USP34: variants seen among roughly 807,000 people sequenced by gnomAD.
USP34 encodes ubiquitin carboxyl-terminal hydrolase 34.
A neutral mutation model predicts 460.3 loss-of-function variants in USP34; 70 were observed. The ratio of observed to expected loss-of-function variants is 0.15; its 90% CI spans 0.13 to 0.19. The LOEUF (loss-of-function observed/expected upper bound fraction) is 0.19. Among genes scored for constraint, USP34 ranks in the 10% least tolerant of loss-of-function variants. USP34 has a pLI of 1.00. For missense variants in USP34, 3,985 were observed against 4,236.2 expected (o/e 0.94, Z 1.65); for synonymous variants, 1,647 against 1,405.3 (o/e 1.17, Z -3.85).
chr2:61,426,279 C>T (rs1214231991), intron 1 of USP34, among the ~76,000 whole-genome samples: 1 of 152,096 alleles, frequency 6.6e-6, no homozygotes, highest in Non-Finnish European at 1.5e-5. Context: ...CAGGGTAGAG[C>T]ACCAGTTGAT....
Position 61,244,095 on chromosome 2 carries a change from C to A in USP34, c.6627+1115G>T, listed in dbSNP as rs72811471. ...ATGTGTATCATTTCTCAACTTTCGGCTAAGATCAACTATAAAATCCAGACT... is the reference window on the plus strand; with the variant it reads ...ATGTGTATCATTTCTCAACTTTCGGATAAGATCAACTATAAAATCCAGACT... On this transcript the variant is annotated intron_variant, in intron 51 of 79. Transcript: ENST00000398571. 5.9e-3 allele frequency among the ~76,000 whole-genome samples: 898 copies of A among 151,750 alleles called. 21 individuals are homozygous for A. The highest frequency in any genetic ancestry group is 4.5e-3 in the Non-Finnish European group (305 of 67,966).
At chr2:61,401,867 A>C (rs571162949) in intron 3 of USP34, among the ~76,000 whole-genome samples, 1 of 151,306 alleles carries the variant, frequency 6.6e-6, no homozygotes, top group African/African-American at 2.4e-5. Flanking sequence ...CCATTTTTAT[A>C]ATCTTTTTCC....
rs567877397 is a variant in USP34, at chr2:61,244,971, C to T, written c.6627+239G>A. Among the ~76,000 whole-genome samples, 8 of 152,108 alleles carry T rather than the reference C, an allele frequency of 5.3e-5. No homozygotes were observed. The South Asian group carries it at 1.7e-3, about 31-fold the overall frequency. The stretch of plus-strand genomic sequence containing the variant: ...TCTCATGGCACTGTAATTCAACTCC[C>T]ATACTACTAAGCTTTTTATTTCTCT... On this transcript the variant is annotated intron_variant, in intron 51 of 79. Coordinates refer to ENST00000398571, the MANE Select transcript of USP34 (RefSeq NM_014709.4).
At chr2:61,205,597 A>G (rs553591277) in intron 72 of USP34, among the ~76,000 whole-genome samples, 1 of 152,216 alleles carries the variant, frequency 6.6e-6, no homozygotes. Context: ...ATATGCAATC[A>G]ATAAAAAGAT....
intron 3 of USP34, 91 bp downstream of exon 3, chr2:61,405,617 C>G: frequency 1.7e-6 from 2 of 1,169,500 alleles, no homozygotes; most frequent in South Asian, 1.9e-5. Flanking sequence ...TTTCCGCCAG[C>G]AGAAAACTGT....
chr2:61,325,511 T>C lies in USP34; in HGVS notation c.2931-54A>G, dbSNP rs1359451840. On this transcript the variant is annotated intron_variant, in intron 20 of 79. Coordinates refer to ENST00000398571, the MANE Select transcript of USP34 (RefSeq NM_014709.4). ...AAATATCCTATTTCTTAATTACTTT[T>C]AAAAATTTAGTGGTCCTATGCATAA... is the stretch of plus-strand genomic sequence containing the variant. The C allele has an allele frequency of 4.0e-6, 5 of 1,247,448 alleles. No homozygotes were observed. In the African/African-American group the frequency reaches 6.4e-5, roughly 16 times the overall value. The allele number at this position is 1,247,448 out of a possible 1,614,324, so 77.3% of individuals were successfully genotyped here.
intron 1 of USP34, among the ~76,000 whole-genome samples, chr2:61,448,780 A>G (rs1455287349): frequency 6.6e-6 from 1 of 152,226 alleles, no homozygotes; most frequent in East Asian, 1.9e-4. Flanking sequence ...TCAGATGTAA[A>G]ATCTAGAAAA....
At chr2:61,268,202 G>A (rs974089535) in intron 41 of USP34, among the ~76,000 whole-genome samples, 2 of 151,962 alleles carry the variant, frequency 1.3e-5, no homozygotes, top group African/African-American at 4.8e-5. Flanking sequence ...TAAAAGAACT[G>A]TTGTCTTAGT....
chr2:61,305,195 G>A (rs1250123048), intron 27 of USP34, among the ~76,000 whole-genome samples: 1 of 151,968 alleles, frequency 6.6e-6, no homozygotes, highest in African/African-American at 2.4e-5. Flanking sequence ...GTGGTGGAGT[G>A]CGCCTGTAGT....
intron 23 of USP34, among the ~76,000 whole-genome samples, chr2:61,316,459 C>A (rs1233037625): frequency 6.6e-6 from 1 of 151,854 alleles, no homozygotes; most frequent in East Asian, 1.9e-4. Flanking sequence ...GTGGTGCATG[C>A]CTGTTGTCCC....
chr2:61,259,559 T>C (rs1349372339), intron 44 of USP34, 152 bp downstream of exon 44: 2 of 584,632 alleles, frequency 3.4e-6, no homozygotes, highest in Non-Finnish European at 5.9e-6. Context: ...GGCTTATTTT[T>C]TTTTTTAGTA....
intron 3 of USP34, among the ~76,000 whole-genome samples, chr2:61,401,065 C>T (rs1208173854): frequency 1.3e-5 from 2 of 149,132 alleles, no homozygotes; most frequent in Non-Finnish European, 3.0e-5. Flanking sequence ...GCAGGAGAAT[C>T]GCCTGAACCC....
At chr2:61,231,478 T>A (rs1385331155) in intron 58 of USP34, among the ~76,000 whole-genome samples, 2 of 152,146 alleles carry the variant, frequency 1.3e-5, no homozygotes, top group Non-Finnish European at 2.9e-5. Flanking sequence ...TCTGGGAGGC[T>A]AAGTTGGGAG....
In USP34 at chr2:61,339,391, T is replaced by G. The variant is rs764242802; in HGVS notation, c.2704A>C (p.Arg902=). The G allele has an allele frequency of 9.3e-6, 15 of 1,609,328 alleles. No individual in the cohort carries two copies. In the South Asian group the frequency reaches 1.5e-4, roughly 16 times the overall value. ...CWFTDRQIRM[R]FIEGCLENLG... ...TTTTCAAGGCAACCTTCAATGAATC[T>G]CATTCGAATTTGTCTATCTGTAAAC... is the stretch of plus-strand genomic sequence containing the variant. The change falls in exon 18 of 80, where the codon AGA becomes CGA. Residue 902 remains arginine, a synonymous_variant. Coordinates refer to ENST00000398571, the MANE Select transcript of USP34 (RefSeq NM_014709.4).
intron 58 of USP34, among the ~76,000 whole-genome samples, chr2:61,232,152 G>A (rs1280258518): frequency 6.6e-6 from 1 of 152,052 alleles, no homozygotes; most frequent in Non-Finnish European, 1.5e-5. Flanking sequence ...AAAAGAATCA[G>A]TATAACTCAT....
At chr2:61,341,455 C>T (rs969695539) in intron 16 of USP34, among the ~76,000 whole-genome samples, 2 of 152,122 alleles carry the variant, frequency 1.3e-5, no homozygotes, top group Non-Finnish European at 2.9e-5. Context: ...TAGTAGAAGG[C>T]GTTTGGGTCA....
intron 41 of USP34, among the ~76,000 whole-genome samples, chr2:61,266,872 T>C (rs953392736): frequency 1.3e-5 from 2 of 152,174 alleles, no homozygotes; most frequent in Admixed American, 6.5e-5. Context: ...GCTCCCTACA[T>C]TGATACAAAA....
Position 61,350,627 on chromosome 2 carries a change from G to C in USP34, c.1318C>G (p.Pro440Ala), listed in dbSNP as rs762251784. The C allele has an allele frequency of 1.9e-6, 3 of 1,613,596 alleles. No homozygotes were observed. Among genetic ancestry groups the C allele is most frequent in the Non-Finnish European group, 2.5e-6 (3 of 1,179,780 alleles). The change falls in exon 11 of 80, where the codon CCA becomes GCA. Residue 440 changes from proline (P) to alanine (A), a missense_variant. By Grantham distance (27) the Pro-to-Ala change is conservative. This residue lies in a region of USP34 where 716 missense variants were observed against 626.2 expected (regional missense o/e 1.14). Coordinates refer to ENST00000398571, the MANE Select transcript of USP34 (RefSeq NM_014709.4). ...PSLIKNLDPVPLRHLLNLVSA... is the reference protein window; with the variant it reads ...PSLIKNLDPVALRHLLNLVSA... ...ACCAGATTAAGTAGATGTCTAAGTG[G>C]TACGGGATCCAAATTCTTGATGAGT...
chr2:61,266,736 T>C (rs1208427677), intron 41 of USP34, among the ~76,000 whole-genome samples: 1 of 152,128 alleles, frequency 6.6e-6, no homozygotes, highest in East Asian at 1.9e-4. Context: ...GGTACATTGG[T>C]CTGCAGTATA....
Sources: gnomAD v4.1 joint callset for allele counts (sites outside exome capture counted in the v4.1 genomes callset) on GRCh38, gnomAD v4.1.1 for gene constraint, gnomAD v4.1.1 regional missense constraint, MANE v1.5 for transcripts, NCBI Gene and HGNC (gene_info 2026-07-23, HGNC 2026-07-21) for gene names.